The following PALM2AKAP2 variants were observed in gnomAD, a reference collection of about 807,000 sequenced individuals.
The protein encoded by PALM2AKAP2 is PALM2-AKAP2 fusion protein.
In PALM2AKAP2, 37 loss-of-function variants were observed where a neutral mutation model predicts 71.5. The ratio of observed to expected loss-of-function variants is 0.52; its 90% CI spans 0.40 to 0.68. PALM2AKAP2 has a LOEUF of 0.68. Ranked by LOEUF, PALM2AKAP2 falls within the 30% of genes least tolerant of loss-of-function variation. The pLI is 0.00. For missense variants in PALM2AKAP2, 1,224 were observed against 1,191.8 expected (o/e 1.03, Z -0.40); for synonymous variants, 468 against 478.8 (o/e 0.98, Z 0.29).
intron 1 of PALM2AKAP2, among the ~76,000 whole-genome samples, chr9:109,780,816 G>A (rs10980036): frequency 1.3e-5 from 2 of 152,148 alleles, no homozygotes; most frequent in African/African-American, 2.4e-5. Flanking sequence ...GGCTTGGGGT[G>A]GGGGGACGAC....
intron 1 of PALM2AKAP2, among the ~76,000 whole-genome samples, chr9:109,746,225 G>A (rs1828799057): frequency 1.3e-5 from 2 of 152,366 alleles, no homozygotes; most frequent in Non-Finnish European, 2.9e-5. Flanking sequence ...CTTGGTCCCA[G>A]GATGTCCTAT....
chr9:109,780,286 G>T, upstream of PALM2AKAP2: 1 of 1,219,818 alleles, frequency 8.2e-7, no homozygotes, highest in South Asian at 3.8e-5. Context: ...AGGCGGCCGG[G>T]AGGGCGGGGG....
chr9:110,098,091 A>G (rs1834904951), intron 1 of PALM2AKAP2, among the ~76,000 whole-genome samples: 1 of 141,060 alleles, frequency 7.1e-6, no homozygotes. Context: ...GGGAGGTTGC[A>G]GTGAGCCGAG....
chr9:110,044,560 C>G (rs1337759271), upstream of PALM2AKAP2, among the ~76,000 whole-genome samples: 1 of 151,634 alleles, frequency 6.6e-6, no homozygotes, highest in Non-Finnish European at 1.5e-5. Flanking sequence ...CCATGTTGGC[C>G]AGGCTGGTCT....
chr9:109,900,732 A>T (rs1302681562), intron 3 of PALM2AKAP2, among the ~76,000 whole-genome samples: 1 of 152,220 alleles, frequency 6.6e-6, no homozygotes, highest in Non-Finnish European at 1.5e-5. Context: ...GAGTTTTCAG[A>T]GATTTCCTGA....
chr9:110,160,906 A>G (rs974990113), intron 3 of PALM2AKAP2, among the ~76,000 whole-genome samples: 16 of 152,228 alleles, frequency 1.1e-4, no homozygotes, highest in African/African-American at 3.4e-4. Context: ...TCATCTTAGA[A>G]CAAGAGAAGA....
At chr9:109,785,266 A>C (rs572036919) in intron 1 of PALM2AKAP2, among the ~76,000 whole-genome samples, 3 of 152,144 alleles carry the variant, frequency 2.0e-5, no homozygotes, top group Non-Finnish European at 4.4e-5. Context: ...CACTCTGTGA[A>C]GTAATAAAAA....
chr9:110,032,780 A>C (rs1267467716), intron 7 of PALM2AKAP2, among the ~76,000 whole-genome samples: 2 of 151,462 alleles, frequency 1.3e-5, no homozygotes, highest in African/African-American at 2.4e-5. Context: ...AAAAAATAAA[A>C]AAACAAACAA....
chr9:109,893,503 G>A (rs1397599651), intron 3 of PALM2AKAP2, among the ~76,000 whole-genome samples: 1 of 152,156 alleles, frequency 6.6e-6, no homozygotes, highest in African/African-American at 2.4e-5. Context: ...AAATGCATTG[G>A]TGTGATCTTA....
intron 6 of PALM2AKAP2, among the ~76,000 whole-genome samples, chr9:110,001,300 G>A (rs2132277234): frequency 6.6e-6 from 1 of 152,218 alleles, no homozygotes; most frequent in East Asian, 1.9e-4. Flanking sequence ...TTTTTGTCAG[G>A]TTTGTCAAAG....
At chr9:110,043,597 A>C (rs1354169737) in intron 7 of PALM2AKAP2, among the ~76,000 whole-genome samples, 1 of 150,510 alleles carries the variant, frequency 6.6e-6, no homozygotes, top group Non-Finnish European at 1.5e-5. Context: ...TATTGTAGGC[A>C]AAAAAAAATT....
intron 1 of PALM2AKAP2, among the ~76,000 whole-genome samples, chr9:109,725,632 G>A (rs762811099): frequency 2.6e-5 from 4 of 152,118 alleles, no homozygotes; most frequent in Admixed American, 6.5e-5. Context: ...ATATTTGTAC[G>A]CTAGAATACT....
At chr9:109,996,773 G>A (rs1490134035) in intron 6 of PALM2AKAP2, among the ~76,000 whole-genome samples, 2 of 152,256 alleles carry the variant, frequency 1.3e-5, no homozygotes, top group African/African-American at 4.8e-5. Context: ...ATGCATCTGT[G>A]TGTGCACATG....
upstream of PALM2AKAP2, among the ~76,000 whole-genome samples, chr9:109,778,886 G>A (rs1221468695): frequency 2.0e-5 from 3 of 150,972 alleles, no homozygotes; most frequent in African/African-American, 4.9e-5. Context: ...CTCCTGCCTC[G>A]GCTTCCCAAG....
chr9:109,750,571 CGTGT>C (rs111708702), intron 1 of PALM2AKAP2, among the ~76,000 whole-genome samples: 17 of 147,200 alleles, frequency 1.2e-4, no homozygotes, highest in South Asian at 6.9e-4. Context: ...TGCCCTAGGA[CGTGT>C]GTGTGTGTGT....
At chr9:109,770,253 A>G (rs1829237274) in intron 1 of PALM2AKAP2, among the ~76,000 whole-genome samples, 1 of 151,472 alleles carries the variant, frequency 6.6e-6, no homozygotes, top group Non-Finnish European at 1.5e-5. Flanking sequence ...ATATTCTAAG[A>G]CCCAGAGCAG....
rs557760061 is a variant in PALM2AKAP2, at chr9:109,670,307, C to A, written c.5+29441C>A. On this transcript the variant is annotated intron_variant, in intron 1 of 6. Coordinates refer to the PALM2AKAP2 transcript ENST00000374531. ...CCAATAGGCCCCAGTGCGTGTTGTT[C>A]CCCTCTATGTGTCCATGTGTTCTCA... Among the ~76,000 whole-genome samples, 102 of 152,204 alleles carry A rather than the reference C, an allele frequency of 6.7e-4. 1 individual carries two copies. The highest frequency in any genetic ancestry group is 8.8e-5 in the Non-Finnish European group (6 of 67,978).
At chr9:109,779,671 G>A (rs1829402275), upstream of PALM2AKAP2, among the ~76,000 whole-genome samples, 1 of 152,210 alleles carries the variant, frequency 6.6e-6, no homozygotes, top group South Asian at 2.1e-4. Context: ...CACCAGAAGG[G>A]TGGCCTCTCT....
chr9:110,036,376 T>C (rs1219529205), intron 7 of PALM2AKAP2, among the ~76,000 whole-genome samples: 2 of 152,206 alleles, frequency 1.3e-5, no homozygotes, highest in Non-Finnish European at 2.9e-5. Context: ...GTTGAATGCC[T>C]TCTGAGGGCA....
Sources: gnomAD v4.1 joint callset for allele counts (sites outside exome capture counted in the v4.1 genomes callset) on GRCh38, gnomAD v4.1.1 for gene constraint, MANE v1.5 for transcripts, NCBI Gene and HGNC (gene_info 2026-07-23, HGNC 2026-07-21) for gene names.